Variants in NNT observed in about 807,000 individuals in gnomAD.
NNT encodes NAD(P) transhydrogenase, mitochondrial.
In NNT, 50 loss-of-function variants were observed where a neutral mutation model predicts 104.8. The observed-to-expected ratio is 0.48, with a 90% CI of 0.38 to 0.60. The LOEUF (loss-of-function observed/expected upper bound fraction) is 0.60. NNT is among the 20% of genes least tolerant of loss of function. NNT has a pLI of 0.00. For synonymous variants in NNT, 461 were observed against 490.4 expected, an observed-to-expected ratio of 0.94 and a Z score of 0.79; for missense variants, 1,131 against 1,330.7, an observed-to-expected ratio of 0.85 and a Z score of 2.33.
intron 1 of NNT, among the ~76,000 whole-genome samples, chr5:43,605,734 C>G (rs1464992877): frequency 2.0e-5 from 3 of 152,052 alleles, no homozygotes; most frequent in Admixed American, 6.6e-5. Flanking sequence ...TAAATATTCT[C>G]TATCTTTCAG....
intron 17 of NNT, among the ~76,000 whole-genome samples, chr5:43,674,354 T>C (rs1741293537): frequency 6.6e-6 from 1 of 152,198 alleles, no homozygotes; most frequent in African/African-American, 2.4e-5. Flanking sequence ...ACCAAGCTGG[T>C]AGCAGGCTGA....
At chr5:43,669,493 G>A (rs1740925058) in intron 17 of NNT, among the ~76,000 whole-genome samples, 1 of 152,078 alleles carries the variant, frequency 6.6e-6, no homozygotes, top group Non-Finnish European at 1.5e-5. Context: ...AGCATGAAGA[G>A]TTGTTGAATT....
chr5:43,655,267 G>A (rs74750785), intron 14 of NNT, among the ~76,000 whole-genome samples: 2,118 of 152,260 alleles, frequency 0.014, 44 homozygotes, highest in African/African-American at 0.043. Context: ...GAAGAGGCAC[G>A]CATTGATGCT....
In NNT at chr5:43,619,123, G is replaced by C. The variant is rs891209321; in HGVS notation, c.687+4G>C. 6.6e-7 allele frequency: 1 copy of C among 1,513,106 alleles called. No individual in the cohort carries two copies. The highest frequency in any genetic ancestry group is 8.9e-7 in the Non-Finnish European group (1 of 1,124,490). 93.7% of individuals were successfully genotyped at this position (1,513,106 alleles called of 1,614,324 possible). A position where few individuals can be genotyped will look rare whatever the true frequency, so the allele number is the denominator to read the frequency against. On this transcript the variant is annotated splice_donor_region_variant and intron_variant, in intron 5 of 21. Coordinates refer to ENST00000344920, the MANE Select transcript of NNT (RefSeq NM_182977.3). ...TGGAAAAGTTCCTCCAGCTAAGGTA[G>C]GTACAACTTTTAATGTTTCTTTATA...
chr5:43,658,049 C>T (rs1055170060), intron 16 of NNT, among the ~76,000 whole-genome samples: 20 of 152,038 alleles, frequency 1.3e-4, no homozygotes, highest in Admixed American at 7.9e-4. Flanking sequence ...GCAGGAGAAT[C>T]GCTTGAACCT....
intron 19 of NNT, among the ~76,000 whole-genome samples, chr5:43,689,161 C>G (rs1032209549): frequency 1.3e-5 from 2 of 152,132 alleles, no homozygotes; most frequent in Non-Finnish European, 1.5e-5. Flanking sequence ...TTTCCATATC[C>G]TAGTCGGACA....
At chr5:43,642,266 C>T (rs188390896) in intron 7 of NNT, among the ~76,000 whole-genome samples, 151 of 152,238 alleles carry the variant, frequency 9.9e-4, no homozygotes, top group African/African-American at 3.4e-3. Flanking sequence ...CCTTTAAATG[C>T]GCCCCTCTAT....
chr5:43,683,070 G>A (rs1271708091), intron 19 of NNT, among the ~76,000 whole-genome samples: 2 of 152,218 alleles, frequency 1.3e-5, no homozygotes, highest in Admixed American at 1.3e-4. Flanking sequence ...GAATTAGCCA[G>A]CGCTTTTGGT....
intron 10 of NNT, among the ~76,000 whole-genome samples, chr5:43,646,084 C>T (rs911453919): frequency 9.9e-5 from 15 of 152,108 alleles, no homozygotes; most frequent in Middle Eastern, 3.4e-3. Flanking sequence ...CATTAGTAAT[C>T]GGGCCTGACA....
intron 19 of NNT, among the ~76,000 whole-genome samples, chr5:43,684,781 C>T (rs1026548527): frequency 6.6e-6 from 1 of 152,088 alleles, no homozygotes. Context: ...ATAACTGTCA[C>T]CAGAAGTTCT....
chr5:43,655,971 A>G lies in NNT; in HGVS notation c.2191A>G (p.Thr731Ala), dbSNP rs765695073. ...CATTATAGAATATCCACATTTTGCT[A>G]CGGATGCAGCAGCAAATCTCACCAA... is the stretch of plus-strand genomic sequence containing the variant. ...EYIIEYPHFATDAAANLTKIV... is the reference protein window; with the variant it reads ...EYIIEYPHFAADAAANLTKIV... Residue 731 changes from threonine to alanine, a missense_variant, in exon 15 of 22, where the codon ACG becomes GCG. Transcript: ENST00000344920. The G allele has an allele frequency of 3.1e-6, 5 of 1,614,152 alleles. No individual in the cohort carries two copies. In the East Asian group the frequency reaches 1.1e-4, roughly 36 times the overall value.
intron 10 of NNT, among the ~76,000 whole-genome samples, chr5:43,645,899 G>C (rs1169828693): frequency 6.6e-6 from 1 of 150,956 alleles, no homozygotes; most frequent in Non-Finnish European, 1.5e-5. Flanking sequence ...ATTTTTAGTA[G>C]AGACGGGGTT....
chr5:43,671,352 T>C (rs909222866), intron 17 of NNT, among the ~76,000 whole-genome samples: 1 of 152,208 alleles, frequency 6.6e-6, no homozygotes, highest in African/African-American at 2.4e-5. Context: ...ATTTTGCTCG[T>C]TAGTTGATGC....
intron 7 of NNT, among the ~76,000 whole-genome samples, chr5:43,638,565 A>ACAAGT (rs1277175436): frequency 2.6e-5 from 4 of 152,090 alleles, no homozygotes; most frequent in African/African-American, 9.7e-5. Flanking sequence ...GTTCATGAGA[A>ACAAGT]ATCTATTTTG....
chr5:43,642,763 A>G (rs1446779609), intron 7 of NNT, among the ~76,000 whole-genome samples: 2 of 152,206 alleles, frequency 1.3e-5, no homozygotes, highest in East Asian at 1.9e-4. Context: ...AGAAGGAAGT[A>G]CTACATAAAC....
intron 3 of NNT, among the ~76,000 whole-genome samples, chr5:43,615,216 A>C (rs1360802749): frequency 6.6e-6 from 1 of 152,216 alleles, no homozygotes; most frequent in Non-Finnish European, 1.5e-5. Flanking sequence ...AAGCATATGG[A>C]GTGTATATTC....
intron 7 of NNT, among the ~76,000 whole-genome samples, chr5:43,640,473 C>G (rs1474697905): frequency 2.0e-5 from 3 of 152,076 alleles, no homozygotes; most frequent in African/African-American, 7.2e-5. Context: ...TCTTCTAGTT[C>G]TCCTAGTACC....
At chr5:43,699,018 G>A (rs189621058) in intron 19 of NNT, among the ~76,000 whole-genome samples, 12 of 151,732 alleles carry the variant, frequency 7.9e-5, no homozygotes, top group Admixed American at 7.9e-4. Context: ...ATTTATTTTT[G>A]GATTCATTCA....
chr5:43,614,909 G>T (rs4991952), intron 3 of NNT, among the ~76,000 whole-genome samples: 1 of 151,802 alleles, frequency 6.6e-6, no homozygotes, highest in South Asian at 2.1e-4. Flanking sequence ...AGGCCGAGGC[G>T]GGTGGATCAT....
Sources: allele counts gnomAD v4.1 joint callset (sites outside exome capture counted in the v4.1 genomes callset), GRCh38; gene constraint gnomAD v4.1.1; transcripts MANE v1.5; gene names NCBI Gene and HGNC (gene_info 2026-07-23, HGNC 2026-07-21).